The following KBTBD12 variants were observed in gnomAD, a reference collection of about 807,000 sequenced individuals.
KBTBD12 encodes kelch repeat and BTB domain containing 12.
KBTBD12 carries 53 observed loss-of-function variants against 58.7 expected under a neutral mutation model. The observed-to-expected ratio is 0.90, with a 90% confidence interval of 0.72 to 1.14. KBTBD12 has a LOEUF of 1.14. Ranked by LOEUF, KBTBD12 falls within the 50% of genes most tolerant of loss-of-function variation. The pLI, the probability that KBTBD12 is intolerant of heterozygous loss-of-function variation, is 0.00. For missense variants in KBTBD12, 704 were observed against 751.3 expected (o/e 0.94, Z 0.74); for synonymous variants, 236 against 259.8 (o/e 0.91, Z 0.88).
intron 4 of KBTBD12, among the ~76,000 whole-genome samples, chr3:127,941,985 T>C (rs1009845053): frequency 6.6e-6 from 1 of 152,142 alleles, no homozygotes; most frequent in African/African-American, 2.4e-5. Context: ...TTATTCAACA[T>C]CATAGTGGAA....
At chr3:127,944,996 T>C (rs1940041167) in intron 4 of KBTBD12, among the ~76,000 whole-genome samples, 1 of 151,704 alleles carries the variant, frequency 6.6e-6, no homozygotes, top group African/African-American at 2.4e-5. Flanking sequence ...TCTTCCCACC[T>C]CAGCCTCCTA....
At chr3:127,973,631 G>A (rs1940723773) in intron 5 of KBTBD12, among the ~76,000 whole-genome samples, 1 of 146,396 alleles carries the variant, frequency 6.8e-6, no homozygotes, top group Non-Finnish European at 1.5e-5. Flanking sequence ...ATTTTTCAAG[G>A]TTTCAGGAAA....
At chr3:127,946,030 G>A (rs1576381881) in intron 4 of KBTBD12, among the ~76,000 whole-genome samples, 1 of 152,102 alleles carries the variant, frequency 6.6e-6, no homozygotes, top group South Asian at 2.1e-4. Flanking sequence ...ATGAAGTCTT[G>A]ACTTATTACA....
intron 5 of KBTBD12, among the ~76,000 whole-genome samples, chr3:127,981,754 A>G (rs921652592): frequency 4.6e-5 from 7 of 152,222 alleles, no homozygotes; most frequent in Non-Finnish European, 1.0e-4. Flanking sequence ...ATCCTGGCCA[A>G]CATGGTGAAA....
At chr3:127,962,288 G>A (rs1446239577) in intron 4 of KBTBD12, among the ~76,000 whole-genome samples, 1 of 152,210 alleles carries the variant, frequency 6.6e-6, no homozygotes, top group African/African-American at 2.4e-5. Flanking sequence ...CTTGGGAGGG[G>A]AAAATAAAAG....
At chr3:127,926,182 T>C (rs1378711190) in intron 2 of KBTBD12, among the ~76,000 whole-genome samples, 1 of 152,172 alleles carries the variant, frequency 6.6e-6, no homozygotes, top group East Asian at 1.9e-4. Flanking sequence ...TATCTGGGTA[T>C]TTTCTCTCCC....
intron 1 of KBTBD12, among the ~76,000 whole-genome samples, chr3:127,919,822 A>G (rs1266472710): frequency 1.3e-5 from 2 of 152,190 alleles, no homozygotes; most frequent in African/African-American, 2.4e-5. Context: ...CTGATAATTC[A>G]CACATGGTTT....
intron 5 of KBTBD12, among the ~76,000 whole-genome samples, chr3:127,966,881 C>T (rs948066633): frequency 6.6e-6 from 1 of 152,158 alleles, no homozygotes; most frequent in Non-Finnish European, 1.5e-5. Context: ...AATAGTTTTA[C>T]ACAAAGTGCC....
In KBTBD12 at chr3:127,963,402, T is replaced by G. The variant is rs1940491920; in HGVS notation, c.1690+16T>G. ...CATGGAGCAGGTATGGGTCCAGTTT[T>G]AAACATTTTGTTACCTCCTTTGGTG... On this transcript the variant is annotated intron_variant, in intron 5 of 5. Transcript: ENST00000405109. 6.3e-7 allele frequency: 1 copy of G among 1,574,942 alleles called. No homozygotes were observed. Among genetic ancestry groups the G allele is most frequent in the Middle Eastern group, 1.7e-4 (1 of 5,922 alleles).
rs992293020 is a variant in KBTBD12 at position 127,949,810 on chromosome 3, A to G, written c.1493-13379A>G. Reference sequence around the variant, plus strand: ...GGCTGCTGCTCTTCTCTATTCCTACATTTAGTCCCTGTTTTGCGGCTGTGT... The same window carrying G: ...GGCTGCTGCTCTTCTCTATTCCTACGTTTAGTCCCTGTTTTGCGGCTGTGT... On this transcript the variant is annotated intron_variant, in intron 4 of 5. Coordinates refer to ENST00000405109, the MANE Select transcript of KBTBD12 (RefSeq NM_207335.4). Among the ~76,000 whole-genome samples the G allele has an allele frequency of 2.6e-5, 4 of 152,298 alleles. No homozygotes were observed. In the East Asian group the frequency reaches 7.7e-4, roughly 29 times the overall value.
chr3:127,953,139 A>G (rs1182522346), intron 4 of KBTBD12, among the ~76,000 whole-genome samples: 2 of 152,240 alleles, frequency 1.3e-5, no homozygotes, highest in Non-Finnish European at 2.9e-5. Context: ...TGCTTGGCAT[A>G]TGAGAAGTGC....
chr3:127,923,002 C>A lies in KBTBD12; in HGVS notation c.-60C>A. 1.1e-6 allele frequency: 1 copy of A among 917,608 alleles called. No homozygotes were observed. Among genetic ancestry groups the A allele is most frequent in the Non-Finnish European group, 1.7e-6 (1 of 582,604 alleles). 56.8% of individuals were successfully genotyped at this position (917,608 alleles called of 1,614,324 possible). A position where few individuals can be genotyped will look rare whatever the true frequency, so the allele number is the denominator to read the frequency against. On this transcript the variant is annotated 5_prime_UTR_variant, in exon 2 of 6. Coordinates refer to ENST00000405109, the MANE Select transcript of KBTBD12 (RefSeq NM_207335.4). Reference sequence around the variant, plus strand: ...CATGAGTAATCAGACATGCAAATAGCCCCTCAGGAATCAAGCTACACTTAA... The same window carrying A: ...CATGAGTAATCAGACATGCAAATAGACCCTCAGGAATCAAGCTACACTTAA...
intron 4 of KBTBD12, among the ~76,000 whole-genome samples, chr3:127,930,923 T>C (rs1939686656): frequency 6.6e-6 from 1 of 152,162 alleles, no homozygotes; most frequent in African/African-American, 2.4e-5. Flanking sequence ...TGATTTTTCC[T>C]GTTTTGTTAA....
At chr3:127,921,110 G>T (rs917499553) in intron 1 of KBTBD12, among the ~76,000 whole-genome samples, 74 of 152,058 alleles carry the variant, frequency 4.9e-4, no homozygotes, top group Admixed American at 9.8e-4. Context: ...TACCAAGCCA[G>T]TTTTACCAAG....
At chr3:127,976,058 C>A (rs932674323) in intron 5 of KBTBD12, among the ~76,000 whole-genome samples, 1 of 152,194 alleles carries the variant, frequency 6.6e-6, no homozygotes, top group Non-Finnish European at 1.5e-5. Flanking sequence ...ATGCAATACC[C>A]ATACATATAG....
chr3:127,970,701 C>T (rs539086238), intron 5 of KBTBD12, among the ~76,000 whole-genome samples: 1 of 152,292 alleles, frequency 6.6e-6, no homozygotes, highest in East Asian at 1.9e-4. Context: ...CCACATATCA[C>T]ATGATTCCAT....
At chr3:127,947,391 A>T (rs1409774527) in intron 4 of KBTBD12, among the ~76,000 whole-genome samples, 2 of 152,108 alleles carry the variant, frequency 1.3e-5, no homozygotes, top group Non-Finnish European at 2.9e-5. Flanking sequence ...GCCACTCCTG[A>T]CTTTGGATGG....
rs568031611 is a variant in KBTBD12 at position 127,985,892 on chromosome 3, T to G, written c.*1614T>G. The stretch of plus-strand genomic sequence containing the variant: ...TGGGCCCCGAGCACGTCCAGGAATC[T>G]GAGTTAAAGTGAGCTTACTCTTTCC... On this transcript the variant is annotated 3_prime_UTR_variant, in exon 6 of 6. Transcript: ENST00000405109. 2 of 152,474 alleles carry G rather than the reference T, an allele frequency of 1.3e-5. No homozygotes were observed. The highest frequency in any genetic ancestry group is 4.8e-5 in the African/African-American group (2 of 41,590). 9.4% of individuals were successfully genotyped at this position (152,474 alleles called of 1,614,324 possible). A position where few individuals can be genotyped will look rare whatever the true frequency, so the allele number is the denominator to read the frequency against.
At chr3:127,983,488 C>T (rs530249659) in intron 5 of KBTBD12, among the ~76,000 whole-genome samples, 1 of 152,308 alleles carries the variant, frequency 6.6e-6, no homozygotes, top group East Asian at 1.9e-4. Flanking sequence ...GGCGTGGTGG[C>T]TCACGCCTGT....
Sources: allele counts gnomAD v4.1 joint callset (sites outside exome capture counted in the v4.1 genomes callset), GRCh38; gene constraint gnomAD v4.1.1; transcripts MANE v1.5; gene names NCBI Gene and HGNC (gene_info 2026-07-23, HGNC 2026-07-21).